Variants in ADAMTS19 observed in about 807,000 individuals in gnomAD.
The protein encoded by ADAMTS19 is A disintegrin and metalloproteinase with thrombospondin motifs 19.
ADAMTS19 carries 93 observed loss-of-function variants against 153.3 expected under a neutral mutation model. The observed-to-expected ratio is 0.61, with a 90% CI of 0.51 to 0.72. The LOEUF (loss-of-function observed/expected upper bound fraction) is 0.72, where lower values mean the gene tolerates loss of function less well. ADAMTS19 is among the 30% of genes least tolerant of loss of function. ADAMTS19 has a pLI of 0.00. For missense variants in ADAMTS19, 1,482 were observed against 1,552.1 expected (o/e 0.95, Z 0.76); for synonymous variants, 600 against 556.6 (o/e 1.08, Z -1.10).
At position 129,667,929 on chromosome 5, in the gene ADAMTS19, C is replaced by A. The variant is rs190228996; in HGVS notation, c.2506+2350C>A. 2.1e-3 allele frequency among the ~76,000 whole-genome samples: 324 copies of A among 152,274 alleles called. 3 individuals carry two copies. Among genetic ancestry groups the A allele is most frequent in the Admixed American group, 8.3e-3 (127 of 15,284 alleles). On this transcript the variant is annotated intron_variant, in intron 16 of 22. Transcript: ENST00000274487. ...ACAGTGAATGTCACTGCATTAGTGT[C>A]CTATGCCTACTATAACAATTACTGC...
intron 3 of ADAMTS19, among the ~76,000 whole-genome samples, chr5:129,524,610 G>GA (rs58978509): frequency 8.7e-4 from 124 of 142,904 alleles, no homozygotes; most frequent in East Asian, 1.6e-3. Context: ...AAATTTACAA[G>GA]AAAAAAAAAA....
intron 21 of ADAMTS19, among the ~76,000 whole-genome samples, chr5:129,733,998 T>C (rs997836837): frequency 4.7e-5 from 7 of 149,924 alleles, no homozygotes; most frequent in African/African-American, 1.7e-4. Context: ...TGTAATAATA[T>C]GCAGCCAAAA....
In ADAMTS19 at chr5:129,654,375, T is replaced by G. The variant is rs1230526287; in HGVS notation, c.2246T>G (p.Met749Arg). 2.5e-6 allele frequency: 4 copies of G among 1,613,254 alleles called. No individual in the cohort carries two copies. The South Asian group carries it at 4.4e-5, about 18-fold the overall frequency. Residue 749 changes from methionine (M) to arginine (R), a missense_variant, in exon 14 of 23, where the codon ATG (methionine) becomes AGG (arginine). Physicochemically the swap from Met to Arg is moderately conservative, Grantham distance 91 (BLOSUM62 -1). Around this residue, in one of 2 missense-constraint regions of ADAMTS19, gnomAD observed 616 missense variants for 724.4 expected, o/e 0.85. Transcript: ENST00000274487. ...CCTATTCTTCTATCAGAAAAAGTGA[T>G]GGATGGAACTTCTTGTGGCTATCAG... ...EQPILLSEKVMDGTSCGYQGL... is the reference protein window; with the variant it reads ...EQPILLSEKVRDGTSCGYQGL...
chr5:129,606,177 C>A (rs569646230), intron 8 of ADAMTS19, among the ~76,000 whole-genome samples: 1 of 152,162 alleles, frequency 6.6e-6, no homozygotes, highest in Admixed American at 6.5e-5. Flanking sequence ...GCCAGAGTAC[C>A]AAGAATACAG....
intron 11 of ADAMTS19, among the ~76,000 whole-genome samples, chr5:129,647,440 T>C (rs960603375): frequency 3.7e-4 from 56 of 152,130 alleles, no homozygotes; most frequent in African/African-American, 1.3e-3. Context: ...TTCTTAAATG[T>C]GTTGGATTTT....
At chr5:129,662,122 A>G (rs982694351) in intron 15 of ADAMTS19, among the ~76,000 whole-genome samples, 1 of 152,248 alleles carries the variant, frequency 6.6e-6, no homozygotes, top group Non-Finnish European at 1.5e-5. Flanking sequence ...TAATTTCTGT[A>G]AAGTAACTAT....
intron 7 of ADAMTS19, among the ~76,000 whole-genome samples, chr5:129,592,656 T>C (rs969754546): frequency 2.0e-5 from 3 of 152,132 alleles, no homozygotes; most frequent in Non-Finnish European, 4.4e-5. Flanking sequence ...AGAGTCTCAG[T>C]TGAAGATTCT....
Position 129,549,860 on chromosome 5 carries a change from GTATCCGTATATGTATATATGTATCTAT to G in ADAMTS19, c.1329-2003_1329-1977del, listed in dbSNP as rs1561565649. ...TATGTATCTATATATACATATACAT[GTATCCGTATATGTATATATGTATCTAT>G]ATATACATATACATGTATCCGTATA... On this transcript the variant is annotated intron_variant, in intron 6 of 22. Coordinates refer to ENST00000274487, the MANE Select transcript of ADAMTS19 (RefSeq NM_133638.6). Among the ~76,000 whole-genome samples, 2 of 90,078 alleles carry G rather than the reference GTATCCGTATATGTATATATGTATCTAT, an allele frequency of 2.2e-5. 1 individual carries two copies. Among genetic ancestry groups the G allele is most frequent in the African/African-American group, 1.6e-4 (2 of 12,594 alleles). The allele number at this position is 90,078 out of a possible 152,430, so 59.1% of individuals were successfully genotyped here.
intron 21 of ADAMTS19, among the ~76,000 whole-genome samples, chr5:129,711,135 A>C (rs1756438571): frequency 6.6e-6 from 1 of 152,334 alleles, no homozygotes; most frequent in Admixed American, 6.5e-5. Context: ...TATTAGAGGG[A>C]AACTCAATCC....
chr5:129,532,922 G>C (rs936339866), intron 6 of ADAMTS19, among the ~76,000 whole-genome samples: 2 of 152,100 alleles, frequency 1.3e-5, no homozygotes, highest in Non-Finnish European at 2.9e-5. Context: ...TGTCAACATG[G>C]TAAAACCCTG....
chr5:129,694,662 C>T, intron 18 of ADAMTS19, 58 bp from the exon 19 acceptor site: 1 of 1,313,104 alleles, frequency 7.6e-7, no homozygotes, highest in South Asian at 2.5e-5. Flanking sequence ...TGAACACCTC[C>T]TAAATCCATT....
chr5:129,524,158 C>T, intron 3 of ADAMTS19, among the ~76,000 whole-genome samples: 1 of 152,082 alleles, frequency 6.6e-6, no homozygotes, highest in Non-Finnish European at 1.5e-5. Flanking sequence ...TAACACCACA[C>T]ACCTACAACC....
chr5:129,726,282 G>C (rs1757207561), intron 21 of ADAMTS19, among the ~76,000 whole-genome samples: 1 of 152,044 alleles, frequency 6.6e-6, no homozygotes, highest in Admixed American at 6.6e-5. Flanking sequence ...ATATCTATCA[G>C]ACAATACAAG....
chr5:129,597,731 G>A (rs1750447983), intron 8 of ADAMTS19, among the ~76,000 whole-genome samples: 1 of 151,734 alleles, frequency 6.6e-6, no homozygotes, highest in Non-Finnish European at 1.5e-5. Flanking sequence ...ATGAAACCCC[G>A]TCTCTACTAA....
At chr5:129,499,603 C>A (rs1456053050) in intron 2 of ADAMTS19, among the ~76,000 whole-genome samples, 1 of 152,070 alleles carries the variant, frequency 6.6e-6, no homozygotes, top group Non-Finnish European at 1.5e-5. Flanking sequence ...TAGGAGTGAA[C>A]TTGTTCCTGT....
At chr5:129,658,321 GA>G (rs1554103309) in intron 14 of ADAMTS19, among the ~76,000 whole-genome samples, 1 of 86,334 alleles carries the variant, frequency 1.2e-5, no homozygotes, top group Non-Finnish European at 2.5e-5. Context: ...AAGAAAGAAA[GA>G]AAGAAAGAAA....
In ADAMTS19 at chr5:129,461,798, G is replaced by C. The variant is rs1233997858; in HGVS notation, c.747+41G>C. On this transcript the variant is annotated intron_variant, in intron 2 of 22. Coordinates refer to ENST00000274487, the MANE Select transcript of ADAMTS19 (RefSeq NM_133638.6). The surrounding 1 kb of genome is among the most constrained non-coding windows in gnomAD (Gnocchi z 4.6). ...CCCTAGCTCTCCATTTTCCCCTGCT[G>C]CTCCTCTCCTTGCCCATAGGTCAGG... The C allele has an allele frequency of 2.7e-6, 4 of 1,473,252 alleles. No individual in the cohort carries two copies. The allele number at this position is 1,473,252 out of a possible 1,614,324, so 91.3% of individuals were successfully genotyped here. A position where few individuals can be genotyped will look rare whatever the true frequency, so the allele number is the denominator to read the frequency against.
chr5:129,669,539 T>C (rs1754204267), intron 16 of ADAMTS19, among the ~76,000 whole-genome samples: 1 of 152,120 alleles, frequency 6.6e-6, no homozygotes. Context: ...CTTGTTAATT[T>C]TGTTGATCTT....
chr5:129,619,033 A>G (rs1031339251), intron 8 of ADAMTS19, among the ~76,000 whole-genome samples: 2 of 152,094 alleles, frequency 1.3e-5, no homozygotes, highest in African/African-American at 2.4e-5. Context: ...ACAGAATCCT[A>G]TGTTGTTTCC....
Sources: gnomAD v4.1 joint callset for allele counts (sites outside exome capture counted in the v4.1 genomes callset) on GRCh38, gnomAD v4.1.1 for gene constraint, gnomAD v4.1.1 regional missense constraint, Gnocchi (gnomAD v3.1) non-coding constraint, MANE v1.5 for transcripts, NCBI Gene and HGNC (gene_info 2026-07-23, HGNC 2026-07-21) for gene names.